ZNF566: variants seen among roughly 807,000 people sequenced by gnomAD.
The protein encoded by ZNF566 is zinc finger protein 566.
Under a neutral mutation model 32.8 loss-of-function variants are expected in ZNF566, and 27 were observed. That is an observed-to-expected ratio of 0.82 (90% CI 0.61 to 1.14). The LOEUF (loss-of-function observed/expected upper bound fraction) is 1.14. ZNF566 is among the 50% of genes most tolerant of loss of function. The probability of loss-of-function intolerance (pLI) is 0.00; values close to 1 mark genes in which losing one functional copy is unlikely to be tolerated. For synonymous variants in ZNF566, 154 were observed against 159.5 expected (o/e 0.97, Z 0.26); for missense variants, 402 against 490.4 (o/e 0.82, Z 1.70).
At chr19:36,467,187 G>C (rs896314923) in intron 4 of ZNF566, among the ~76,000 whole-genome samples, 1 of 151,190 alleles carries the variant, frequency 6.6e-6, no homozygotes, top group Non-Finnish European at 1.5e-5. Context: ...TGTAATCCCA[G>C]CACTTTGGGA....
intron 4 of ZNF566, among the ~76,000 whole-genome samples, chr19:36,463,358 GAAATA>G (rs2033527085): frequency 6.6e-6 from 1 of 151,712 alleles, no homozygotes; most frequent in African/African-American, 2.4e-5. Context: ...AAAATACCTA[GAAATA>G]AAATATCAAA....
chr19:36,485,521 G>A (rs1328196487), intron 1 of ZNF566, among the ~76,000 whole-genome samples: 2 of 151,778 alleles, frequency 1.3e-5, no homozygotes, highest in Non-Finnish European at 2.9e-5. Flanking sequence ...CACTACTTTG[G>A]GAGGTCAAGT....
intron 4 of ZNF566, among the ~76,000 whole-genome samples, chr19:36,451,711 C>T (rs1385696521): frequency 6.6e-6 from 1 of 152,112 alleles, no homozygotes; most frequent in Non-Finnish European, 1.5e-5. Flanking sequence ...TTTGTAAATA[C>T]TATGGAAGAA....
chr19:36,473,767 C>T (rs1164495822), intron 2 of ZNF566, among the ~76,000 whole-genome samples: 1 of 152,188 alleles, frequency 6.6e-6, no homozygotes, highest in Non-Finnish European at 1.5e-5. Context: ...TGCAATGCCT[C>T]ACACTATACC....
chr19:36,450,103 G>A lies in ZNF566; in HGVS notation c.233-102C>T, dbSNP rs1204943652. ...TTTAACCGAATTTTTTTTACAAATG[G>A]ATGAGGAAAAAAGAGAGTTAGAAGA... On this transcript the variant is annotated intron_variant, in intron 4 of 4. Coordinates refer to ENST00000452939, the MANE Select transcript of ZNF566 (RefSeq NM_001145344.1). 5 of 930,366 alleles carry A rather than the reference G, an allele frequency of 5.4e-6. No homozygotes were observed. The East Asian group carries it at 1.3e-4, about 23-fold the overall frequency. 57.6% of individuals were successfully genotyped at this position (930,366 alleles called of 1,614,324 possible).
At position 36,449,171 on chromosome 19, in the gene ZNF566, T is replaced by G. The variant is rs1476127885; in HGVS notation, c.1063A>C (p.Thr355Pro). Reference protein sequence around the residue: ...EKAFRSGSDLTRHQRIHTGEK... With the variant: ...EKAFRSGSDLPRHQRIHTGEK... Reference sequence around the variant, plus strand: ...CCAGTATGAATTCTCTGATGTCTAGTAAGGTCTGAGCCAGAACGAAAAGCC... The same window carrying G: ...CCAGTATGAATTCTCTGATGTCTAGGAAGGTCTGAGCCAGAACGAAAAGCC... Residue 355 changes from threonine (T) to proline (P), a missense_variant, in exon 5 of 5, where the codon ACT (threonine) becomes CCT (proline). Thr to Pro is a conservative substitution (Grantham distance 38). Around this residue, in one of 3 missense-constraint regions of ZNF566, gnomAD observed 135 missense variants for 210.0 expected, o/e 0.64. Transcript: ENST00000452939. The G allele has an allele frequency of 1.2e-6, 2 of 1,614,130 alleles. No individual in the cohort carries two copies. The highest frequency in any genetic ancestry group is 2.2e-5 in the East Asian group (1 of 44,876).
At chr19:36,468,250 G>A (rs1343481103) in intron 4 of ZNF566, among the ~76,000 whole-genome samples, 4 of 151,512 alleles carry the variant, frequency 2.6e-5, no homozygotes, top group African/African-American at 4.9e-5. Context: ...GTGCAACAAT[G>A]GGAACATTCA....
chr19:36,472,009 G>C (rs2033777809), intron 4 of ZNF566, among the ~76,000 whole-genome samples: 1 of 152,144 alleles, frequency 6.6e-6, no homozygotes, highest in Admixed American at 6.5e-5. Flanking sequence ...CTCCCAAAGT[G>C]CTGGGATTAC....
chr19:36,449,584 T>C lies in ZNF566; in HGVS notation c.650A>G (p.His217Arg), dbSNP rs751151487. ...SFRHPSRLTHHQKIHTGKKPF... is the reference protein window; with the variant it reads ...SFRHPSRLTHRQKIHTGKKPF... The stretch of plus-strand genomic sequence containing the variant: ...TTTCTTGCCAGTATGAATTTTCTGA[T>C]GATGAGTGAGTCTTGAGGGATGTCT... The change falls in exon 5 of 5, where the codon CAT becomes CGT. Residue 217 changes from histidine (H) to arginine (R), a missense_variant. Transcript: ENST00000452939. The C allele has an allele frequency of 2.5e-6, 4 of 1,614,088 alleles. No homozygotes were observed. The African/African-American group carries it at 5.3e-5, about 22-fold the overall frequency.
At chr19:36,453,716 G>A (rs2145641098) in intron 4 of ZNF566, among the ~76,000 whole-genome samples, 1 of 151,906 alleles carries the variant, frequency 6.6e-6, no homozygotes, top group South Asian at 2.1e-4. Context: ...ACAGGGTCTT[G>A]CTCTGTAGCC....
intron 4 of ZNF566, among the ~76,000 whole-genome samples, chr19:36,470,776 G>A (rs1227547803): frequency 6.6e-6 from 1 of 152,108 alleles, no homozygotes; most frequent in Non-Finnish European, 1.5e-5. Flanking sequence ...TGGGCATGGT[G>A]GCGGGTGCCT....
chr19:36,459,693 G>C (rs1440548969), intron 4 of ZNF566, among the ~76,000 whole-genome samples: 8 of 150,434 alleles, frequency 5.3e-5, no homozygotes, highest in Non-Finnish European at 1.2e-4. Context: ...TGTATTTTTA[G>C]TAAAGACGGG....
chr19:36,466,928 G>A (rs2033626949), intron 4 of ZNF566, among the ~76,000 whole-genome samples: 1 of 150,432 alleles, frequency 6.6e-6, no homozygotes, highest in Admixed American at 6.6e-5. Flanking sequence ...AATTAGCCGG[G>A]CGAGGTGGCA....
chr19:36,485,851 C>G (rs1390953664), intron 1 of ZNF566, among the ~76,000 whole-genome samples: 1 of 151,752 alleles, frequency 6.6e-6, no homozygotes, highest in Non-Finnish European at 1.5e-5. Flanking sequence ...GTCAGGATTT[C>G]GAGACCAGCC....
At chr19:36,456,605 A>T (rs2033322200) in intron 4 of ZNF566, 1 of 151,846 alleles carries the variant, frequency 6.6e-6, no homozygotes, top group East Asian at 1.9e-4. Flanking sequence ...TAGGGGAGGG[A>T]TAGGATTAGA....
intron 4 of ZNF566, among the ~76,000 whole-genome samples, chr19:36,457,030 G>C (rs1164111047): frequency 6.6e-6 from 1 of 152,094 alleles, no homozygotes; most frequent in African/African-American, 2.4e-5. Context: ...AAACAGCACG[G>C]CACTGGCATA....
chr19:36,450,012 A>ATATGAAAG lies in ZNF566; in HGVS notation c.233-19_233-12dup. 6.4e-7 allele frequency: 1 copy of ATATGAAAG among 1,571,710 alleles called. No homozygotes were observed. The highest frequency in any genetic ancestry group is 8.6e-7 in the Non-Finnish European group (1 of 1,163,484). On this transcript the variant is annotated splice_polypyrimidine_tract_variant and intron_variant, in intron 4 of 4. Coordinates refer to ENST00000452939, the MANE Select transcript of ZNF566 (RefSeq NM_001145344.1). ...ATCTTGATTCCAGGACTGAAAGAAA[A>ATATGAAAG]TATGAAAGTAATCACTCACATTTTT...
intron 2 of ZNF566, among the ~76,000 whole-genome samples, chr19:36,475,663 A>G (rs2033866729): frequency 6.6e-6 from 1 of 152,138 alleles, no homozygotes; most frequent in Non-Finnish European, 1.5e-5. Flanking sequence ...GAGATAGGAG[A>G]TGCTGAAGGA....
intron 4 of ZNF566, among the ~76,000 whole-genome samples, chr19:36,463,674 C>A (rs1463549840): frequency 6.6e-6 from 1 of 150,390 alleles, no homozygotes; most frequent in Non-Finnish European, 1.5e-5. Context: ...TCCCAAGTAG[C>A]TGGGACAACA....
Sources: gnomAD v4.1 joint callset for allele counts (sites outside exome capture counted in the v4.1 genomes callset) on GRCh38, gnomAD v4.1.1 for gene constraint, gnomAD v4.1.1 regional missense constraint, MANE v1.5 for transcripts, NCBI Gene and HGNC (gene_info 2026-07-23, HGNC 2026-07-21) for gene names.